Variants in PCDHGA10 observed in about 807,000 individuals in gnomAD.
The protein encoded by PCDHGA10 is protocadherin gamma subfamily A, 10.
In PCDHGA10, 42 loss-of-function variants were observed where a neutral mutation model predicts 59.5. That is an observed-to-expected ratio of 0.71 (90% confidence interval 0.55 to 0.91). PCDHGA10 has a LOEUF of 0.91. PCDHGA10 is among the 40% of genes least tolerant of loss of function. The probability of loss-of-function intolerance (pLI) is 0.00; values close to 1 mark genes in which losing one functional copy is unlikely to be tolerated. For missense variants in PCDHGA10, 1,111 were observed against 1,198.2 expected, an observed-to-expected ratio of 0.93 and a Z score of 1.07; for synonymous variants, 511 against 517.2, an observed-to-expected ratio of 0.99 and a Z score of 0.16.
rs200545713 is a variant in PCDHGA10 at position 141,422,296 on chromosome 5, A to G, written c.2436+6685A>G. 133 of 1,550,704 alleles carry G rather than the reference A, an allele frequency of 8.6e-5. 1 individual carries two copies. The Admixed American group carries it at 2.1e-3, about 25-fold the overall frequency. ...AACTATCACCTCTTCTATTAATTCAATTCTGGAAAACTCTCCTCCAGGTAC... is the reference window on the plus strand; with the variant it reads ...AACTATCACCTCTTCTATTAATTCAGTTCTGGAAAACTCTCCTCCAGGTAC... On this transcript the variant is annotated intron_variant, in intron 1 of 3. Transcript: ENST00000398610.
At position 141,458,567 on chromosome 5, in the gene PCDHGA10, T is replaced by TTTTG. The variant is rs144471304; in HGVS notation, c.2437-36224_2437-36221dup. Among the ~76,000 whole-genome samples the TTTTG allele has an allele frequency of 8.6e-5, 13 of 151,610 alleles. No individual in the cohort carries two copies. The East Asian group carries it at 1.5e-3, about 18-fold the overall frequency. On this transcript the variant is annotated intron_variant, in intron 1 of 3. Coordinates refer to ENST00000398610, the MANE Select transcript of PCDHGA10 (RefSeq NM_018913.3). ...TTGTTTGTTTGTTTTGGTTTTGGGT[T>TTTTG]TTTGTTTGTTTGTTTGTTTTGGAGA...
In PCDHGA10 at chr5:141,490,347, G is replaced by T; in HGVS notation, c.2437-4460G>T. On this transcript the variant is annotated intron_variant, in intron 1 of 3. Coordinates refer to ENST00000398610, the MANE Select transcript of PCDHGA10 (RefSeq NM_018913.3). This position sits in a 1 kb window ranked among gnomAD's most constrained non-coding sequence, Gnocchi z 5.4. ...AGAGCACACCAGTGGGCACAGTAGT[G>T]GGGTTGTTTAATGTGCGAGACCGGG... 1 of 1,614,180 alleles carries T rather than the reference G, an allele frequency of 6.2e-7. No homozygotes were observed.
chr5:141,466,344 T>G (rs1036472951), intron 1 of PCDHGA10, among the ~76,000 whole-genome samples: 5 of 152,106 alleles, frequency 3.3e-5, no homozygotes, highest in African/African-American at 4.8e-5. Flanking sequence ...ATAATTTTTT[T>G]GCAGCTAATC....
At chr5:141,418,316 A>G in intron 1 of PCDHGA10, 1 of 1,614,026 alleles carries the variant, frequency 6.2e-7, no homozygotes, top group Non-Finnish European at 8.5e-7. Context: ...GATGGGAACA[A>G]TTCTTGAGTC....
rs148798222 is a variant in PCDHGA10, at chr5:141,432,106, G to A, written c.2436+16495G>A. On this transcript the variant is annotated intron_variant, in intron 1 of 3. Coordinates refer to ENST00000398610, the MANE Select transcript of PCDHGA10 (RefSeq NM_018913.3). This position sits in a 1 kb window ranked among gnomAD's most constrained non-coding sequence, Gnocchi z 6.0. The stretch of plus-strand genomic sequence containing the variant: ...ACGTGGCAGACACCAACGACAACCC[G>A]CCGGTCTTCCCTCAGGCCTCCTATT... 4 of 1,614,068 alleles carry A rather than the reference G, an allele frequency of 2.5e-6. No homozygotes were observed. Among genetic ancestry groups the A allele is most frequent in the Non-Finnish European group, 3.4e-6 (4 of 1,180,020 alleles).
chr5:141,481,260 A>C (rs2099534771), intron 1 of PCDHGA10, among the ~76,000 whole-genome samples: 1 of 152,166 alleles, frequency 6.6e-6, no homozygotes, highest in Non-Finnish European at 1.5e-5. Context: ...CTAAAAGATC[A>C]CTGTAGGAAG....
intron 1 of PCDHGA10, among the ~76,000 whole-genome samples, chr5:141,429,377 GT>G (rs566693637): frequency 1.3e-4 from 20 of 149,526 alleles, no homozygotes; most frequent in South Asian, 8.5e-4. Flanking sequence ...GAGAAAATGT[GT>G]TTTTTTTTTA....
In PCDHGA10 at chr5:141,423,130, G is replaced by T. The variant is rs770258338; in HGVS notation, c.2436+7519G>T. The T allele has an allele frequency of 2.5e-6, 4 of 1,613,700 alleles. No homozygotes were observed. Among genetic ancestry groups the T allele is most frequent in the Non-Finnish European group, 2.5e-6 (3 of 1,179,952 alleles). ...GGTGCGTACAGCGCGGGCACTGCTG[G>T]ACAGAGACGCGCTCAAGCAGAGCCT... On this transcript the variant is annotated intron_variant, in intron 1 of 3. Coordinates refer to ENST00000398610, the MANE Select transcript of PCDHGA10 (RefSeq NM_018913.3).
chr5:141,448,814 G>A (rs967588194), intron 1 of PCDHGA10, among the ~76,000 whole-genome samples: 14 of 152,122 alleles, frequency 9.2e-5, no homozygotes, highest in Non-Finnish European at 1.8e-4. Flanking sequence ...GCGTGATGGC[G>A]GGCGCCTGTA....
At chr5:141,454,092 T>C (rs552760379) in intron 1 of PCDHGA10, among the ~76,000 whole-genome samples, 2 of 152,316 alleles carry the variant, frequency 1.3e-5, no homozygotes, top group East Asian at 3.9e-4. Flanking sequence ...GAAATTTGAA[T>C]TGAACATAAA....
At chr5:141,481,982 G>A (rs1378873905) in intron 1 of PCDHGA10, among the ~76,000 whole-genome samples, 2 of 151,628 alleles carry the variant, frequency 1.3e-5, no homozygotes, top group African/African-American at 2.4e-5. Context: ...CTACTTGGGA[G>A]GTTGAAGCAG....
chr5:141,447,516 A>G (rs997127013), intron 1 of PCDHGA10, among the ~76,000 whole-genome samples: 1 of 152,220 alleles, frequency 6.6e-6, no homozygotes, highest in African/African-American at 2.4e-5. Flanking sequence ...ATGCATAACA[A>G]TCATAACAAA....
Position 141,415,113 on chromosome 5 carries a change from C to T in PCDHGA10, c.1938C>T (p.Leu646=). 6.2e-7 allele frequency: 1 copy of T among 1,613,642 alleles called. No homozygotes were observed. The highest frequency in any genetic ancestry group is 1.7e-4 in the Middle Eastern group (1 of 6,058). ...LLDRDALKQS[L]VVAVQDHGQP... is the part of the protein sequence containing the mutation. ...ACAGAGACGCGCTCAAGCAAAGCCT[C>T]GTAGTGGCCGTCCAGGACCACGGCC... The change falls in exon 1 of 4, where the codon CTC becomes CTT. Residue 646 remains leucine, a synonymous_variant. Transcript: ENST00000398610.
intron 1 of PCDHGA10, chr5:141,430,537 A>T (rs1270804825): frequency 7.8e-6 from 3 of 385,890 alleles, no homozygotes; most frequent in African/African-American, 2.1e-5. Flanking sequence ...TAGGACTCTG[A>T]GCGCCGCTGT....
intron 1 of PCDHGA10, among the ~76,000 whole-genome samples, chr5:141,450,005 TC>T (rs2098662434): frequency 1.0e-5 from 1 of 99,604 alleles, no homozygotes; most frequent in Non-Finnish European, 1.8e-5. Flanking sequence ...TTGCCATGTC[TC>T]TTTTTTTTTT....
chr5:141,469,704 C>T (rs1038504640), intron 1 of PCDHGA10, among the ~76,000 whole-genome samples: 9 of 152,340 alleles, frequency 5.9e-5, no homozygotes, highest in African/African-American at 1.9e-4. Flanking sequence ...ACCTAGTAAT[C>T]ACACTATTAG....
Position 141,431,478 on chromosome 5 carries a change from C to T in PCDHGA10, c.2436+15867C>T, listed in dbSNP as rs1163422580. On this transcript the variant is annotated intron_variant, in intron 1 of 3. Coordinates refer to ENST00000398610, the MANE Select transcript of PCDHGA10 (RefSeq NM_018913.3). The surrounding 1 kb of genome is among the most constrained non-coding windows in gnomAD (Gnocchi z 4.8). ...GTTCTGGATGCGAACGACAACGCAC[C>T]AGCGTTTGCTCAGCCCGAGTACCGC... The T allele has an allele frequency of 6.2e-7, 1 of 1,613,748 alleles. No individual in the cohort carries two copies. The highest frequency in any genetic ancestry group is 8.5e-7 in the Non-Finnish European group (1 of 1,179,976).
At chr5:141,425,640 C>G (rs2096886863) in intron 1 of PCDHGA10, among the ~76,000 whole-genome samples, 1 of 152,206 alleles carries the variant, frequency 6.6e-6, no homozygotes, top group Non-Finnish European at 1.5e-5. Flanking sequence ...TCTGATAAAA[C>G]TAGGAGGAAA....
At chr5:141,440,501 A>G (rs2098183001) in intron 1 of PCDHGA10, 1 of 152,174 alleles carries the variant, frequency 6.6e-6, no homozygotes, top group African/African-American at 2.4e-5. Context: ...TCACATTAAT[A>G]TGGAGATTCA....
Sources: allele counts gnomAD v4.1 joint callset (sites outside exome capture counted in the v4.1 genomes callset), GRCh38; gene constraint gnomAD v4.1.1; non-coding constraint Gnocchi (gnomAD v3.1); transcripts MANE v1.5; gene names NCBI Gene and HGNC (gene_info 2026-07-23, HGNC 2026-07-21).